The following CAVIN2 variants were observed in gnomAD, a reference collection of about 807,000 sequenced individuals.
CAVIN2 encodes caveolae associated protein 2, also known as caveolae-associated protein 2.
In CAVIN2, 13 loss-of-function variants were observed where a neutral mutation model predicts 11.7. That is an observed-to-expected ratio of 1.11 (90% confidence interval 0.72 to 1.77). The LOEUF is 1.77. Among genes scored for constraint, CAVIN2 ranks in the 40% most tolerant of loss-of-function variants. The pLI, the probability that CAVIN2 is intolerant of heterozygous loss-of-function variation, is 0.00. For synonymous variants in CAVIN2, 237 were observed against 223.2 expected, an observed-to-expected ratio of 1.06 and a Z score of -0.55; for missense variants, 549 against 542.9, an observed-to-expected ratio of 1.01 and a Z score of -0.11.
At position 191,836,110 on chromosome 2, in the gene CAVIN2, C is replaced by T; in HGVS notation, c.1091G>A (p.Ser364Asn). The T allele has an allele frequency of 6.2e-7, 1 of 1,614,214 alleles. No individual in the cohort carries two copies. The highest frequency in any genetic ancestry group is 8.5e-7 in the Non-Finnish European group (1 of 1,180,044). ...GATGTTGCTGTCCATCCCCGAGTTACTCCCCCTGGAGGTCGCCTTCTCAGC... is the reference window on the plus strand; with the variant it reads ...GATGTTGCTGTCCATCCCCGAGTTATTCCCCCTGGAGGTCGCCTTCTCAGC... ...EAAEKATSRGSNSGMDSNIDL... is the reference protein window; with the variant it reads ...EAAEKATSRGNNSGMDSNIDL... The change falls in exon 2 of 2, where the codon AGT (serine) becomes AAT (asparagine). Residue 364 changes from serine (S) to asparagine (N), a missense_variant. Transcript: ENST00000304141.
In CAVIN2 at chr2:191,834,920, T is replaced by C. The variant is rs930096836; in HGVS notation, c.*1003A>G. On this transcript the variant is annotated 3_prime_UTR_variant, in exon 2 of 2. Coordinates refer to ENST00000304141, the MANE Select transcript of CAVIN2 (RefSeq NM_004657.6). The stretch of plus-strand genomic sequence containing the variant: ...GCATTAAAGAATAGTATGAGCTAAG[T>C]TTCCACAAAACAGTATATATTAATT... 6.6e-6 allele frequency: 1 copy of C among 152,074 alleles called. No homozygotes were observed. The highest frequency in any genetic ancestry group is 2.4e-5 in the African/African-American group (1 of 41,446). 9.4% of individuals were successfully genotyped at this position (152,074 alleles called of 1,614,324 possible). A position where few individuals can be genotyped will look rare whatever the true frequency, so the allele number is the denominator to read the frequency against.
chr2:191,845,046 C>T (rs544065508), intron 1 of CAVIN2, among the ~76,000 whole-genome samples: 4 of 152,270 alleles, frequency 2.6e-5, no homozygotes, highest in African/African-American at 9.6e-5. Context: ...TTTCTAATAT[C>T]TCTTAGGCTA....
In CAVIN2 at chr2:191,839,440, G is replaced by A. The variant is rs114285472; in HGVS notation, c.484-2723C>T. ...TTGCTGTTGAGTTTTAGACTCTTTC[G>A]ATTCTTTTATCATGTATCTTTTGAG... On this transcript the variant is annotated intron_variant, in intron 1 of 1. Coordinates refer to ENST00000304141, the MANE Select transcript of CAVIN2 (RefSeq NM_004657.6). 8.9e-3 allele frequency among the ~76,000 whole-genome samples: 1,347 copies of A among 152,124 alleles called. 21 individuals are homozygous for A. Among genetic ancestry groups the A allele is most frequent in the African/African-American group, 0.031 (1,299 of 41,524 alleles).
rs1227692994 is a variant in CAVIN2, at chr2:191,846,999, G to A, written c.-74C>T. ...CGGGTGAGAAGTTGCGGTGGTGAGG[G>A]TGTAGGATGAGGCCCGCTGGTTGGA... On this transcript the variant is annotated 5_prime_UTR_variant, in exon 1 of 2. Transcript: ENST00000304141. 5 of 1,521,916 alleles carry A rather than the reference G, an allele frequency of 3.3e-6. No individual in the cohort carries two copies. The highest frequency in any genetic ancestry group is 4.4e-6 in the Non-Finnish European group (5 of 1,144,092). The allele number at this position is 1,521,916 out of a possible 1,614,324, so 94.3% of individuals were successfully genotyped here.
rs975772187 is a variant in CAVIN2, at chr2:191,842,827, G to A, written c.483+3616C>T. 2.6e-5 allele frequency among the ~76,000 whole-genome samples: 4 copies of A among 152,238 alleles called. No individual in the cohort carries two copies. The East Asian group carries it at 7.7e-4, about 29-fold the overall frequency. On this transcript the variant is annotated intron_variant, in intron 1 of 1. Transcript: ENST00000304141. ...TAACAATGTTGTAACACTCAGTACA[G>A]ACTTAAAGAAGTAATGTCACGTTTT...
At chr2:191,844,846 G>T (rs1237337697) in intron 1 of CAVIN2, among the ~76,000 whole-genome samples, 1 of 152,060 alleles carries the variant, frequency 6.6e-6, no homozygotes, top group Non-Finnish European at 1.5e-5. Context: ...CTGACGAATT[G>T]TGACTTTCCT....
Position 191,836,033 on chromosome 2 carries a change from C to T in CAVIN2, c.1168G>A (p.Ala390Thr). 1 of 1,614,222 alleles carries T rather than the reference C, an allele frequency of 6.2e-7. No individual in the cohort carries two copies. The highest frequency in any genetic ancestry group is 1.6e-4 in the Middle Eastern group (1 of 6,062). ...CTACCCTCATAGCGTACCTTCTGTG[C>T]CTGTTCCAGGGCCACTGACTCCTCC... ...EEEESVALEQ[A>T]QKVRYEGSYA... Residue 390 changes from alanine (A) to threonine (T), a missense_variant, in exon 2 of 2, where the codon GCA (alanine) becomes ACA (threonine). Ala to Thr is a moderately conservative substitution (Grantham distance 58). Coordinates refer to ENST00000304141, the MANE Select transcript of CAVIN2 (RefSeq NM_004657.6).
In CAVIN2 at chr2:191,836,536, T is replaced by G. The variant is rs1397331433; in HGVS notation, c.665A>C (p.Lys222Thr). The G allele has an allele frequency of 4.3e-6, 7 of 1,613,952 alleles. No individual in the cohort carries two copies. Among genetic ancestry groups the G allele is most frequent in the Non-Finnish European group, 5.9e-6 (7 of 1,180,018 alleles). The change falls in exon 2 of 2, where the codon AAG becomes ACG. Residue 222 changes from lysine to threonine, a missense_variant. Coordinates refer to ENST00000304141, the MANE Select transcript of CAVIN2 (RefSeq NM_004657.6). Reference protein sequence around the residue: ...EEALEDSAEEKVEESRAEKIK... With the variant: ...EEALEDSAEETVEESRAEKIK... ...TTTCTCTGCCCTACTTTCTTCCACCTTTTCCTCGGCACTGTCTTCCAGGGC... is the reference window on the plus strand; with the variant it reads ...TTTCTCTGCCCTACTTTCTTCCACCGTTTCCTCGGCACTGTCTTCCAGGGC...
rs564589484 is a variant in CAVIN2 at position 191,837,419 on chromosome 2, T to A, written c.484-702A>T. Among the ~76,000 whole-genome samples, 12 of 152,246 alleles carry A rather than the reference T, an allele frequency of 7.9e-5. No homozygotes were observed. The South Asian group carries it at 2.5e-3, about 32-fold the overall frequency. On this transcript the variant is annotated intron_variant, in intron 1 of 1. Transcript: ENST00000304141. ...AGCGGAGGTGAGATCTTAGGGTTATTTTTAGAGTAGTGAGGGGAAATTATG... is the reference window on the plus strand; with the variant it reads ...AGCGGAGGTGAGATCTTAGGGTTATATTTAGAGTAGTGAGGGGAAATTATG...
At chr2:191,843,187 GA>G (rs1235482084) in intron 1 of CAVIN2, among the ~76,000 whole-genome samples, 2 of 151,180 alleles carry the variant, frequency 1.3e-5, no homozygotes, top group East Asian at 1.9e-4. Context: ...CCGTCTCAAA[GA>G]AAAAAAAGAA....
Position 191,847,015 on chromosome 2 carries a change from G to T in CAVIN2, c.-90C>A. On this transcript the variant is annotated 5_prime_UTR_variant, in exon 1 of 2. Transcript: ENST00000304141. The stretch of plus-strand genomic sequence containing the variant: ...GTGGTGAGGGTGTAGGATGAGGCCC[G>T]CTGGTTGGAGCTCAGGGCACCAGTC... The T allele has an allele frequency of 1.4e-6, 2 of 1,474,648 alleles. No individual in the cohort carries two copies. Among genetic ancestry groups the T allele is most frequent in the Non-Finnish European group, 1.8e-6 (2 of 1,109,064 alleles). 91.3% of individuals were successfully genotyped at this position (1,474,648 alleles called of 1,614,324 possible). A position where few individuals can be genotyped will look rare whatever the true frequency, so the allele number is the denominator to read the frequency against.
chr2:191,842,250 C>CT lies in CAVIN2; in HGVS notation c.483+4192dup, dbSNP rs548637402. On this transcript the variant is annotated intron_variant, in intron 1 of 1. Coordinates refer to ENST00000304141, the MANE Select transcript of CAVIN2 (RefSeq NM_004657.6). ...CCACTGCAAATAGCTAACCTTTCTA[C>CT]TTTTTTCACCCAGTTTCCCAATTTT... is the stretch of plus-strand genomic sequence containing the variant. Among the ~76,000 whole-genome samples, 44 of 152,306 alleles carry CT rather than the reference C, an allele frequency of 2.9e-4. No homozygotes were observed. The East Asian group carries it at 4.0e-3, about 14-fold the overall frequency.
intron 1 of CAVIN2, among the ~76,000 whole-genome samples, chr2:191,842,038 C>A (rs180905892): frequency 6.6e-6 from 1 of 152,290 alleles, no homozygotes; most frequent in East Asian, 1.9e-4. Flanking sequence ...CCTATATCCT[C>A]ATTTCTTCCA....
rs1052600354 is a variant in CAVIN2 at position 191,836,499 on chromosome 2, G to T, written c.702C>A (p.Ser234=). ...EESRAEKIKR[S]SLKKVDSLKK... The stretch of plus-strand genomic sequence containing the variant: ...TGAGGCTATCCACTTTCTTCAGGCT[G>T]GATCTTTTTATTTTCTCTGCCCTAC... Residue 234 remains serine (S), a synonymous_variant, in exon 2 of 2, where the codon TCC becomes TCA. Transcript: ENST00000304141. 6.2e-7 allele frequency: 1 copy of T among 1,614,100 alleles called. No homozygotes were observed. The highest frequency in any genetic ancestry group is 8.5e-7 in the Non-Finnish European group (1 of 1,180,014).
intron 1 of CAVIN2, among the ~76,000 whole-genome samples, chr2:191,845,699 A>AGAGGAGGACAT: frequency 2.6e-5 from 4 of 152,168 alleles, no homozygotes; most frequent in Non-Finnish European, 5.9e-5. Flanking sequence ...TTTTTATTCT[A>AGAGGAGGACAT]AGGCAACCGT....
In CAVIN2 at chr2:191,836,465, A is replaced by G. The variant is rs1351252349; in HGVS notation, c.736T>C (p.Phe246Leu). ...LKKVDSLKKA[F>L]SRQNIEKKMN... ...TTTTTCTCGATGTTCTGGCGAGAAA[A>G]TGCTTTCTTGAGGCTATCCACTTTC... Residue 246 changes from phenylalanine to leucine, a missense_variant, in exon 2 of 2, where the codon TTT (phenylalanine) becomes CTT (leucine). Physicochemically the swap from Phe to Leu is conservative, Grantham distance 22. Transcript: ENST00000304141. 2 of 1,614,054 alleles carry G rather than the reference A, an allele frequency of 1.2e-6. No homozygotes were observed. Among genetic ancestry groups the G allele is most frequent in the South Asian group, 1.1e-5 (1 of 91,078 alleles).
rs1387131701 is a variant in CAVIN2 at position 191,835,151 on chromosome 2, T to C, written c.*772A>G. 6.6e-6 allele frequency: 1 copy of C among 152,144 alleles called. No individual in the cohort carries two copies. The allele number at this position is 152,144 out of a possible 1,614,324, so 9.4% of individuals were successfully genotyped here. A position where few individuals can be genotyped will look rare whatever the true frequency, so the allele number is the denominator to read the frequency against. On this transcript the variant is annotated 3_prime_UTR_variant, in exon 2 of 2. Transcript: ENST00000304141. ...GATATACGAACTTCTTTAGTATTTT[T>C]ATTTAAAGAGTGAAATAGTTAAGCT...
In CAVIN2 at chr2:191,846,619, A is replaced by G. The variant is rs1163355780; in HGVS notation, c.307T>C (p.Tyr103His). ...ACCGTGTTGCTGGTGGAGGCCTGGT[A>G]CTTGGAGAGCTTGGTGAGGTCATTC... ...IQNDLTKLSK[Y>H]QASTSNTVSK... The change falls in exon 1 of 2, where the codon TAC becomes CAC. Residue 103 changes from tyrosine to histidine, a missense_variant. By Grantham distance (83) the Tyr-to-His change is moderately conservative (BLOSUM62 2). Coordinates refer to ENST00000304141, the MANE Select transcript of CAVIN2 (RefSeq NM_004657.6). The G allele has an allele frequency of 1.7e-5, 27 of 1,614,266 alleles. No homozygotes were observed. Among genetic ancestry groups the G allele is most frequent in the Non-Finnish European group, 2.2e-5 (26 of 1,180,048 alleles).
rs757952222 is a variant in CAVIN2 at position 191,836,002 on chromosome 2, G to T, written c.1199C>A (p.Ala400Glu). 1.2e-6 allele frequency: 2 copies of T among 1,614,194 alleles called. No individual in the cohort carries two copies. The highest frequency in any genetic ancestry group is 2.2e-5 in the East Asian group (1 of 44,880). The change falls in exon 2 of 2, where the codon GCG (alanine) becomes GAG (glutamate). Residue 400 changes from alanine to glutamate, a missense_variant. Ala to Glu is a moderately radical substitution (Grantham distance 107). Transcript: ENST00000304141. The stretch of plus-strand genomic sequence containing the variant: ...GCGCTCCGCCTCCTCGGATGTTAGC[G>T]CGTAGCTACCCTCATAGCGTACCTT... ...AQKVRYEGSY[A>E]LTSEEAERSD...
Sources: allele counts gnomAD v4.1 joint callset (sites outside exome capture counted in the v4.1 genomes callset), GRCh38; gene constraint gnomAD v4.1.1; transcripts MANE v1.5; gene names NCBI Gene and HGNC (gene_info 2026-07-23, HGNC 2026-07-21).